HTR7: variants seen among roughly 807,000 people sequenced by gnomAD.
HTR7 encodes 5-hydroxytryptamine receptor 7, also known as 5-HT-7.
In HTR7, 16 loss-of-function variants were observed where a neutral mutation model predicts 34.0. The ratio of observed to expected loss-of-function variants is 0.47; its 90% confidence interval spans 0.32 to 0.71. The LOEUF is 0.71. Ranked by LOEUF, HTR7 falls within the 30% of genes least tolerant of loss-of-function variation. The pLI is 0.04. For synonymous variants in HTR7, 265 were observed against 260.2 expected (o/e 1.02, Z -0.18); for missense variants, 504 against 625.5 (o/e 0.81, Z 2.07).
chr10:90,817,677 A>G (rs558509945), intron 1 of HTR7, among the ~76,000 whole-genome samples: 3 of 152,330 alleles, frequency 2.0e-5, no homozygotes, highest in Admixed American at 6.5e-5. Flanking sequence ...TTCCTGGGCA[A>G]GCCCTTAAGG....
At chr10:90,748,569 G>A (rs991865528) in intron 2 of HTR7, among the ~76,000 whole-genome samples, 4 of 152,138 alleles carry the variant, frequency 2.6e-5, no homozygotes, top group South Asian at 2.1e-4. Flanking sequence ...GGAGAAAGAA[G>A]GGAAAATATC....
At chr10:90,787,225 C>T (rs1033934133) in intron 1 of HTR7, among the ~76,000 whole-genome samples, 1 of 152,188 alleles carries the variant, frequency 6.6e-6, no homozygotes, top group African/African-American at 2.4e-5. Context: ...CACAGTGGGT[C>T]ACGCCTGTAA....
intron 1 of HTR7, among the ~76,000 whole-genome samples, chr10:90,776,694 A>G (rs965254005): frequency 1.3e-5 from 2 of 152,220 alleles, no homozygotes; most frequent in African/African-American, 4.8e-5. Flanking sequence ...CTTAGGGAGT[A>G]AGATCATTTT....
At chr10:90,839,614 C>G (rs188544284) in intron 1 of HTR7, among the ~76,000 whole-genome samples, 40 of 152,058 alleles carry the variant, frequency 2.6e-4, no homozygotes, top group African/African-American at 8.4e-4. Flanking sequence ...ATAAAGCTCC[C>G]CAAACAGATG....
At position 90,857,988 on chromosome 10, in the gene HTR7, G is replaced by A. The variant is rs1279549517; in HGVS notation, c.-317C>T. Among the ~76,000 whole-genome samples the A allele has an allele frequency of 6.6e-6, 1 of 150,744 alleles. No individual in the cohort carries two copies. The highest frequency in any genetic ancestry group is 2.1e-4 in the South Asian group (1 of 4,834). On this transcript the variant is annotated 5_prime_UTR_variant, in exon 1 of 4. Transcript: ENST00000336152. This position sits in a 1 kb window ranked among gnomAD's most constrained non-coding sequence, Gnocchi z 6.5. ...GGCAGCTCCACAGTTCGCAGCAGCA[G>A]CTCGGCTGCGCCGAGAGCGCCCGGG...
At chr10:90,759,179 C>A (rs1844890451) in intron 1 of HTR7, among the ~76,000 whole-genome samples, 1 of 135,394 alleles carries the variant, frequency 7.4e-6, no homozygotes, top group Non-Finnish European at 1.6e-5. Flanking sequence ...AAGAGTGAAA[C>A]TCTGTCTCAA....
intron 1 of HTR7, among the ~76,000 whole-genome samples, chr10:90,765,108 T>A (rs1222760254): frequency 3.3e-5 from 5 of 152,190 alleles, no homozygotes; most frequent in African/African-American, 4.8e-5. Flanking sequence ...ATAATTCACA[T>A]TAACTCTTCC....
At chr10:90,815,357 G>T (rs1034495614) in intron 1 of HTR7, among the ~76,000 whole-genome samples, 2 of 152,140 alleles carry the variant, frequency 1.3e-5, no homozygotes, top group Non-Finnish European at 2.9e-5. Context: ...CTCCCAAAGT[G>T]CTTGGATTAC....
chr10:90,817,889 A>C (rs1564692446), intron 1 of HTR7, among the ~76,000 whole-genome samples: 1 of 152,260 alleles, frequency 6.6e-6, no homozygotes, highest in East Asian at 1.9e-4. Context: ...TTCAGAAAAC[A>C]AAATGAGCTA....
chr10:90,828,767 T>C (rs912769922), intron 1 of HTR7, among the ~76,000 whole-genome samples: 3 of 151,992 alleles, frequency 2.0e-5, no homozygotes, highest in African/African-American at 7.2e-5. Context: ...AAAACATTTT[T>C]AAAAAAATCA....
At chr10:90,817,460 T>C (rs118165970) in intron 1 of HTR7, among the ~76,000 whole-genome samples, 4 of 152,356 alleles carry the variant, frequency 2.6e-5, no homozygotes, top group African/African-American at 7.2e-5. Context: ...CTGAGACATA[T>C]GTTTCCTCTA....
rs1281834285 is a variant in HTR7 at position 90,749,501 on chromosome 10, G to A, written c.633C>T (p.Ala211=). The A allele has an allele frequency of 3.1e-6, 5 of 1,614,152 alleles. No individual in the cohort carries two copies. Among genetic ancestry groups the A allele is most frequent in the South Asian group, 2.2e-5 (2 of 91,074 alleles). The change falls in exon 2 of 4, where the codon GCC becomes GCT. Residue 211 remains alanine, a synonymous_variant. Coordinates refer to ENST00000336152, the MANE Select transcript of HTR7 (RefSeq NM_019859.4). This position sits in a 1 kb window ranked among gnomAD's most constrained non-coding sequence, Gnocchi z 4.2. Reference sequence around the variant, plus strand: ...CAAAGAGTGGAGGTAAGGTGATGGAGGCGGAGAGAAGCCAGACGGAGAGAA... The same window carrying A: ...CAAAGAGTGGAGGTAAGGTGATGGAAGCGGAGAGAAGCCAGACGGAGAGAA... ...KMILSVWLLS[A]SITLPPLFGW...
intron 1 of HTR7, among the ~76,000 whole-genome samples, chr10:90,786,544 C>G (rs1845383402): frequency 2.0e-5 from 3 of 152,114 alleles, no homozygotes; most frequent in Admixed American, 2.0e-4. Flanking sequence ...GTAAGAAAAC[C>G]TGACAGAGTT....
intron 1 of HTR7, among the ~76,000 whole-genome samples, chr10:90,801,937 G>A (rs1026195414): frequency 6.6e-6 from 1 of 152,158 alleles, no homozygotes; most frequent in Non-Finnish European, 1.5e-5. Context: ...TGTTCATATT[G>A]TTTGACCCCT....
At chr10:90,775,724 A>G (rs1845196001) in intron 1 of HTR7, among the ~76,000 whole-genome samples, 1 of 152,226 alleles carries the variant, frequency 6.6e-6, no homozygotes, top group South Asian at 2.1e-4. Context: ...TCTAGAAAGT[A>G]GATTCTTGAA....
chr10:90,791,237 GAT>G (rs112710670), intron 1 of HTR7, among the ~76,000 whole-genome samples: 2,453 of 150,876 alleles, frequency 0.016, 81 homozygotes, highest in African/African-American at 0.055. Context: ...AGAGAATACA[GAT>G]ATATATATAT....
At chr10:90,773,595 C>G (rs558198513) in intron 1 of HTR7, among the ~76,000 whole-genome samples, 1 of 152,172 alleles carries the variant, frequency 6.6e-6, no homozygotes, top group African/African-American at 2.4e-5. Context: ...ATCATCCTCA[C>G]CTGCTCTCCA....
chr10:90,846,014 T>C (rs934563647), intron 1 of HTR7, among the ~76,000 whole-genome samples: 2 of 152,174 alleles, frequency 1.3e-5, no homozygotes, highest in East Asian at 3.8e-4. Flanking sequence ...AAAAAGTGTA[T>C]ATAAACATCT....
intron 2 of HTR7, chr10:90,744,047 C>T (rs952989375): frequency 1.2e-5 from 5 of 406,872 alleles, no homozygotes; most frequent in East Asian, 6.9e-5. Context: ...TAGGAGAATA[C>T]GTAGAGCCAA....
Sources: allele counts gnomAD v4.1 joint callset (sites outside exome capture counted in the v4.1 genomes callset), GRCh38; gene constraint gnomAD v4.1.1; non-coding constraint Gnocchi (gnomAD v3.1); transcripts MANE v1.5; gene names NCBI Gene and HGNC (gene_info 2026-07-23, HGNC 2026-07-21).